OPRM1: variants seen among roughly 807,000 people sequenced by gnomAD.
The protein encoded by OPRM1 is opioid receptor mu 1.
Under a neutral mutation model 31.8 loss-of-function variants are expected in OPRM1, and 27 were observed. The observed-to-expected ratio is 0.85, with a 90% CI of 0.63 to 1.17. OPRM1 has a LOEUF of 1.17. Among genes scored for constraint, OPRM1 ranks in the 50% most tolerant of loss-of-function variants. OPRM1 has a pLI of 0.00. For missense variants in OPRM1, 536 were observed against 511.1 expected (o/e 1.05, Z -0.47); for synonymous variants, 196 against 189.9 (o/e 1.03, Z -0.26).
intron 3 of OPRM1, among the ~76,000 whole-genome samples, chr6:154,206,095 C>A (rs1777471374): frequency 6.6e-6 from 1 of 152,146 alleles, no homozygotes; most frequent in South Asian, 2.1e-4. Flanking sequence ...GTCCCTAGCA[C>A]ATGGTAAATA....
intron 1 of OPRM1, among the ~76,000 whole-genome samples, chr6:154,030,731 A>C (rs183479488): frequency 1.3e-5 from 2 of 152,298 alleles, no homozygotes; most frequent in East Asian, 3.9e-4. Flanking sequence ...CTCTACTAAA[A>C]ATACAGAGAG....
chr6:154,246,462 A>G (rs1781054158), intron 3 of OPRM1: 1 of 1,113,414 alleles, frequency 9.0e-7, no homozygotes, highest in Admixed American at 2.4e-5. Flanking sequence ...GGCTTCTATA[A>G]CTTATTTGTT....
chr6:154,095,719 TG>T (rs111918460), intron 3 of OPRM1, among the ~76,000 whole-genome samples: 45 of 152,320 alleles, frequency 3.0e-4, no homozygotes, highest in African/African-American at 1.1e-3. Context: ...TGTGCATGCC[TG>T]GGCTCAGCCT....
chr6:154,069,184 C>A (rs765561355), intron 1 of OPRM1, among the ~76,000 whole-genome samples: 16 of 152,162 alleles, frequency 1.1e-4, no homozygotes, highest in Non-Finnish European at 1.9e-4. Context: ...TTGTCTCCTG[C>A]AGTGTGCAGA....
intron 1 of OPRM1, among the ~76,000 whole-genome samples, chr6:154,023,975 C>T (rs773053992): frequency 3.9e-5 from 6 of 151,986 alleles, no homozygotes; most frequent in Non-Finnish European, 8.8e-5. Flanking sequence ...CATCAGTGTT[C>T]ATCAGAGGTC....
intron 1 of OPRM1, among the ~76,000 whole-genome samples, chr6:154,030,069 A>G (rs1464160893): frequency 6.9e-6 from 1 of 144,312 alleles, no homozygotes. Flanking sequence ...ACCCAGTCTC[A>G]GATATGTTTT....
intron 3 of OPRM1, among the ~76,000 whole-genome samples, chr6:154,236,691 C>T (rs1780162496): frequency 6.6e-6 from 1 of 152,120 alleles, no homozygotes; most frequent in Admixed American, 6.6e-5. Context: ...TAATGAGCAC[C>T]ATCTCTTTCA....
At chr6:154,232,426 T>C (rs1779795516) in intron 3 of OPRM1, among the ~76,000 whole-genome samples, 1 of 152,174 alleles carries the variant, frequency 6.6e-6, no homozygotes, top group Admixed American at 6.5e-5. Flanking sequence ...AGTACTATGA[T>C]CACAGCCTTA....
intron 3 of OPRM1, among the ~76,000 whole-genome samples, chr6:154,221,071 T>A (rs924889980): frequency 6.6e-6 from 1 of 152,204 alleles, no homozygotes; most frequent in African/African-American, 2.4e-5. Flanking sequence ...TACATGTAAT[T>A]CTCCAAACCG....
At chr6:154,093,980 C>T (rs1792888724) in intron 3 of OPRM1, among the ~76,000 whole-genome samples, 1 of 152,164 alleles carries the variant, frequency 6.6e-6, no homozygotes, top group African/African-American at 2.4e-5. Flanking sequence ...GTTAGTTGTA[C>T]AAATCCAGAA....
downstream of OPRM1, among the ~76,000 whole-genome samples, chr6:154,135,496 T>C (rs867940901): frequency 7.3e-6 from 1 of 137,790 alleles, no homozygotes; most frequent in South Asian, 2.2e-4. Context: ...TAGATATAGA[T>C]ATAGATATAG....
intron 3 of OPRM1, among the ~76,000 whole-genome samples, chr6:154,169,776 C>A (rs957641365): frequency 1.3e-5 from 2 of 152,220 alleles, no homozygotes; most frequent in Admixed American, 6.5e-5. Flanking sequence ...AATGGCAGTT[C>A]CACCATTCTG....
At chr6:154,067,241 GTTT>G (rs1186246132) in intron 1 of OPRM1, among the ~76,000 whole-genome samples, 1 of 151,256 alleles carries the variant, frequency 6.6e-6, no homozygotes, top group African/African-American at 2.4e-5. Context: ...AGTTCCTTAA[GTTT>G]TTAAGTTGTT....
At chr6:154,186,960 C>T (rs111946816) in intron 3 of OPRM1, among the ~76,000 whole-genome samples, 292 of 152,242 alleles carry the variant, frequency 1.9e-3, no homozygotes, top group Non-Finnish European at 3.5e-3. Flanking sequence ...CCAGAGTGCT[C>T]ACCGCCTACA....
chr6:154,089,976 CATAGAT>C lies in OPRM1; in HGVS notation c.442_447del (p.Ile148_Asp149del). 3.1e-6 allele frequency: 5 copies of C among 1,613,280 alleles called. No homozygotes were observed. Among genetic ancestry groups the C allele is most frequent in the Non-Finnish European group, 3.4e-6 (4 of 1,179,218 alleles). On this transcript the variant is annotated inframe_deletion, in exon 2 of 4. Coordinates refer to ENST00000330432, the MANE Select transcript of OPRM1 (RefSeq NM_000914.5). ...CCATCCTTTGCAAGATAGTGATCTC[CATAGAT>C]TACTATAACATGTTCACCAGCATAT...
At chr6:154,200,706 G>A (rs558580666) in intron 3 of OPRM1, among the ~76,000 whole-genome samples, 4 of 152,300 alleles carry the variant, frequency 2.6e-5, no homozygotes, top group African/African-American at 9.6e-5. Flanking sequence ...GGGTGACAGA[G>A]TGAGACTCTG....
At chr6:154,102,960 G>C (rs1489368640) in intron 3 of OPRM1, among the ~76,000 whole-genome samples, 8 of 143,046 alleles carry the variant, frequency 5.6e-5, no homozygotes, top group African/African-American at 2.1e-4. Flanking sequence ...TGGAAGACAA[G>C]AGAAAGGCAC....
intron 3 of OPRM1, among the ~76,000 whole-genome samples, chr6:154,153,924 T>A (rs1021836425): frequency 5.3e-5 from 8 of 152,214 alleles, no homozygotes; most frequent in Non-Finnish European, 8.8e-5. Flanking sequence ...ATTTGTTATA[T>A]CAGGAATAGG....
intron 3 of OPRM1, among the ~76,000 whole-genome samples, chr6:154,198,663 C>CACACA (rs1491491022): frequency 1.3e-5 from 2 of 150,350 alleles, no homozygotes; most frequent in Non-Finnish European, 1.5e-5. Context: ...CACACACACA[C>CACACA]AACTTGTTCT....
Sources: gnomAD v4.1 joint callset for allele counts (sites outside exome capture counted in the v4.1 genomes callset) on GRCh38, gnomAD v4.1.1 for gene constraint, MANE v1.5 for transcripts, NCBI Gene and HGNC (gene_info 2026-07-23, HGNC 2026-07-21) for gene names.